The following CDKN3 variants were observed in gnomAD, a reference collection of about 807,000 sequenced individuals.
CDKN3 encodes cyclin-dependent kinase inhibitor 3.
A neutral mutation model predicts 36.1 loss-of-function variants in CDKN3; 19 were observed. That is an observed-to-expected ratio of 0.53 (90% CI 0.37 to 0.77). CDKN3 has a LOEUF of 0.77. CDKN3 is among the 30% of genes least tolerant of loss of function. CDKN3 has a pLI of 0.00. For missense variants in CDKN3, 188 were observed against 248.6 expected (o/e 0.76, Z 1.64); for synonymous variants, 71 against 85.3 (o/e 0.83, Z 0.92).
rs759365520 is a variant in CDKN3 at position 54,401,538 on chromosome 14, G to A, written c.107G>A (p.Arg36Gln). The change falls in exon 3 of 8, where the codon CGA becomes CAA. Residue 36 changes from arginine (R) to glutamine (Q), a missense_variant. Transcript: ENST00000335183. ...PIHISWLSLS[R>Q]VNCSQFLGLC... ...CTTCTTTTCAGGCTATCTTTGTCACGAGTGAATTGTTCTCAGTTTCTCGGT... is the reference window on the plus strand; with the variant it reads ...CTTCTTTTCAGGCTATCTTTGTCACAAGTGAATTGTTCTCAGTTTCTCGGT... 1.6e-5 allele frequency: 25 copies of A among 1,609,330 alleles called. 1 individual carries two copies. In the Middle Eastern group the frequency reaches 6.6e-4, roughly 42 times the overall value.
intron 1 of CDKN3, 30 bp downstream of exon 1, chr14:54,397,107 G>A: frequency 6.7e-7 from 1 of 1,488,774 alleles, no homozygotes; most frequent in South Asian, 1.3e-5. Context: ...GTTTGGAGGA[G>A]CGAGGCGGCA....
At chr14:54,403,093 A>G (rs1220337147) in intron 3 of CDKN3, among the ~76,000 whole-genome samples, 46 of 149,222 alleles carry the variant, frequency 3.1e-4, no homozygotes, top group Middle Eastern at 3.4e-3. Context: ...GAAGAAAGTC[A>G]ATGGTAGCTT....
intron 4 of CDKN3, among the ~76,000 whole-genome samples, chr14:54,409,054 T>G (rs1015314417): frequency 6.6e-6 from 1 of 152,164 alleles, no homozygotes; most frequent in Non-Finnish European, 1.5e-5. Context: ...AATGTAGAAG[T>G]TGGCATGAAA....
intron 3 of CDKN3, among the ~76,000 whole-genome samples, chr14:54,406,557 A>G (rs2030166356): frequency 6.6e-6 from 1 of 151,458 alleles, no homozygotes; most frequent in Non-Finnish European, 1.5e-5. Context: ...TTTTTTCTCT[A>G]ATTTTGTCTT....
chr14:54,410,749 G>C (rs1398052781), intron 4 of CDKN3, among the ~76,000 whole-genome samples: 1 of 151,638 alleles, frequency 6.6e-6, no homozygotes, highest in African/African-American at 2.4e-5. Flanking sequence ...AGCAGACATG[G>C]TTGATTTTGT....
At chr14:54,419,484 C>G (rs2030657407) in intron 7 of CDKN3, among the ~76,000 whole-genome samples, 1 of 152,112 alleles carries the variant, frequency 6.6e-6, no homozygotes, top group Non-Finnish European at 1.5e-5. Context: ...TGCTTATCTG[C>G]TGAGATTAGC....
chr14:54,402,914 T>G (rs1354325304), intron 3 of CDKN3, among the ~76,000 whole-genome samples: 1 of 152,240 alleles, frequency 6.6e-6, no homozygotes, highest in African/African-American at 2.4e-5. Context: ...TCTATATATC[T>G]GTTTTGGCAT....
intron 1 of CDKN3, 105 bp downstream of exon 1, chr14:54,397,182 C>A: frequency 7.3e-6 from 9 of 1,230,482 alleles, no homozygotes; most frequent in Non-Finnish European, 8.5e-6. Context: ...GGTAGCAGTG[C>A]GACTGGCGCC....
intron 2 of CDKN3, among the ~76,000 whole-genome samples, chr14:54,400,237 T>TATAATATAGA (rs11281426): frequency 0.71 from 100,348 of 142,038 alleles, 35,719 homozygotes; most frequent in African/African-American, 0.73. Context: ...ATTTACTCTT[T>TATAATATAGA]ATAAGACCCT....
At chr14:54,405,731 G>A (rs1462428273) in intron 3 of CDKN3, among the ~76,000 whole-genome samples, 1 of 152,084 alleles carries the variant, frequency 6.6e-6, no homozygotes, top group African/African-American at 2.4e-5. Context: ...GCCTATGTGT[G>A]TCTCTGCACG....
At chr14:54,419,355 GGT>G (rs1213196412) in intron 7 of CDKN3, among the ~76,000 whole-genome samples, 3 of 152,162 alleles carry the variant, frequency 2.0e-5, no homozygotes, top group African/African-American at 7.2e-5. Flanking sequence ...CAGGCTTGCT[GGT>G]GTTAGCAATG....
intron 5 of CDKN3, chr14:54,413,473 G>A (rs878991545): frequency 3.2e-6 from 2 of 623,582 alleles, no homozygotes; most frequent in East Asian, 3.0e-5. Context: ...GCTGGTTCTG[G>A]CAACCCAAAT....
At chr14:54,399,524 G>T (rs1294095136) in intron 1 of CDKN3, among the ~76,000 whole-genome samples, 1 of 152,200 alleles carries the variant, frequency 6.6e-6, no homozygotes, top group Admixed American at 6.5e-5. Context: ...TCCAGTGCTT[G>T]GCAAATGAAG....
chr14:54,403,134 T>G (rs921225389), intron 3 of CDKN3, among the ~76,000 whole-genome samples: 1 of 152,148 alleles, frequency 6.6e-6, no homozygotes, highest in Non-Finnish European at 1.5e-5. Context: ...TATAAATTAC[T>G]TTGGGCAGTA....
At chr14:54,411,751 A>G in intron 5 of CDKN3, 45 bp downstream of exon 5, 1 of 1,214,340 alleles carries the variant, frequency 8.2e-7, no homozygotes, top group South Asian at 1.2e-5. Flanking sequence ...GTCTCAGTCA[A>G]AATGATTTCT....
At chr14:54,402,168 T>G (rs2139968554) in intron 3 of CDKN3, among the ~76,000 whole-genome samples, 1 of 148,474 alleles carries the variant, frequency 6.7e-6, no homozygotes, top group East Asian at 2.0e-4. Flanking sequence ...ATCGCACCAC[T>G]GCACTCCAGC....
intron 1 of CDKN3, among the ~76,000 whole-genome samples, chr14:54,397,995 G>A (rs1886365577): frequency 6.6e-6 from 1 of 152,204 alleles, no homozygotes; most frequent in South Asian, 2.1e-4. Context: ...GCTGAGCGTG[G>A]TAGTGCACGC....
chr14:54,413,677 C>G (rs1043227599), intron 5 of CDKN3: 3 of 1,535,276 alleles, frequency 2.0e-6, no homozygotes, highest in African/African-American at 2.7e-5. Flanking sequence ...ACCCACACTT[C>G]TAGACAGCTA....
At chr14:54,414,983 A>G (rs1041236595) in intron 5 of CDKN3, among the ~76,000 whole-genome samples, 2 of 151,950 alleles carry the variant, frequency 1.3e-5, no homozygotes, top group Non-Finnish European at 2.9e-5. Flanking sequence ...AGCAAAATAT[A>G]TATCTACAGC....
Sources: allele counts gnomAD v4.1 joint callset (sites outside exome capture counted in the v4.1 genomes callset), GRCh38; gene constraint gnomAD v4.1.1; transcripts MANE v1.5; gene names NCBI Gene and HGNC (gene_info 2026-07-23, HGNC 2026-07-21).